Variants in CNPY1 observed in about 807,000 individuals in gnomAD.
CNPY1 encodes the protein protein canopy homolog 1.
A neutral mutation model predicts 14.4 loss-of-function variants in CNPY1; 14 were observed. The observed-to-expected ratio is 0.97, with a 90% confidence interval of 0.64 to 1.52. The LOEUF is 1.52. Among genes scored for constraint, CNPY1 ranks in the 40% most tolerant of loss-of-function variants. CNPY1 has a pLI of 0.00. For synonymous variants in CNPY1, 43 were observed against 46.5 expected, an observed-to-expected ratio of 0.92 and a Z score of 0.31; for missense variants, 129 against 131.5, an observed-to-expected ratio of 0.98 and a Z score of 0.09.
At chr7:155,525,666 C>T (rs968425377) in intron 2 of CNPY1, among the ~76,000 whole-genome samples, 1 of 152,240 alleles carries the variant, frequency 6.6e-6, no homozygotes, top group African/African-American at 2.4e-5. Flanking sequence ...TGCAAAGCTA[C>T]TGTCTGGATA....
At chr7:155,521,589 GGCCGCCGCCTT>G (rs1003549049) in intron 2 of CNPY1, among the ~76,000 whole-genome samples, 8 of 152,312 alleles carry the variant, frequency 5.3e-5, no homozygotes, top group African/African-American at 1.9e-4. Flanking sequence ...AGAGTCCCTG[GGCCGCCGCCTT>G]GTTTATGTAC....
At chr7:155,527,796 A>G (rs769175525) in intron 2 of CNPY1, among the ~76,000 whole-genome samples, 2 of 152,110 alleles carry the variant, frequency 1.3e-5, no homozygotes, top group Admixed American at 6.5e-5. Flanking sequence ...ACATAGAGTA[A>G]TGAGACATGT....
At chr7:155,518,116 C>T (rs1475904022) in intron 2 of CNPY1, among the ~76,000 whole-genome samples, 1 of 152,178 alleles carries the variant, frequency 6.6e-6, no homozygotes, top group Non-Finnish European at 1.5e-5. Flanking sequence ...CTTCTCCTCC[C>T]ATCCTCTCAG....
At position 155,518,862 on chromosome 7, in the gene CNPY1, G is replaced by A. The variant is rs115711164; in HGVS notation, c.100-9765C>T. Among the ~76,000 whole-genome samples, 1,160 of 152,284 alleles carry A rather than the reference G, an allele frequency of 7.6e-3. 12 individuals are homozygous for A. The highest frequency in any genetic ancestry group is 0.026 in the African/African-American group (1,076 of 41,556). On this transcript the variant is annotated intron_variant, in intron 2 of 4. Transcript: ENST00000636446. ...TGTGGTGGAAGGCTACCTTGCGCAGGCACATGCCAGCCAGACTATCCAGGA... is the reference window on the plus strand; with the variant it reads ...TGTGGTGGAAGGCTACCTTGCGCAGACACATGCCAGCCAGACTATCCAGGA...
chr7:155,506,930 G>C (rs539630390), intron 4 of CNPY1, 90 bp downstream of exon 4: 1 of 813,744 alleles, frequency 1.2e-6, no homozygotes, highest in Admixed American at 2.0e-5. Context: ...CAGAGGCAGC[G>C]AGGCTCGGTC....
intron 2 of CNPY1, among the ~76,000 whole-genome samples, chr7:155,512,753 A>G (rs1796553770): frequency 6.6e-6 from 1 of 152,240 alleles, no homozygotes; most frequent in African/African-American, 2.4e-5. Flanking sequence ...CTCCCATTAC[A>G]GTCTGACAAC....
chr7:155,541,241 A>G (rs1170538148), intron 2 of CNPY1, among the ~76,000 whole-genome samples: 1 of 152,214 alleles, frequency 6.6e-6, no homozygotes, highest in African/African-American at 2.4e-5. Flanking sequence ...CGAGCGGAGC[A>G]CGAGCTCCCA....
chr7:155,538,611 C>T (rs922145551), intron 2 of CNPY1, among the ~76,000 whole-genome samples: 2 of 152,210 alleles, frequency 1.3e-5, no homozygotes, highest in African/African-American at 2.4e-5. Flanking sequence ...CCACTTGCCC[C>T]GCAGTTGGTC....
chr7:155,525,181 C>T (rs1487347581), intron 2 of CNPY1, among the ~76,000 whole-genome samples: 1 of 151,528 alleles, frequency 6.6e-6, no homozygotes, highest in Non-Finnish European at 1.5e-5. Flanking sequence ...ATCTTTCTTT[C>T]TTTTTTTTTA....
At chr7:155,515,097 A>G (rs1796592244) in intron 2 of CNPY1, among the ~76,000 whole-genome samples, 1 of 152,124 alleles carries the variant, frequency 6.6e-6, no homozygotes, top group Non-Finnish European at 1.5e-5. Flanking sequence ...GATTATGCAG[A>G]AGGGGCCAGC....
At chr7:155,507,698 C>T (rs551122326) in intron 3 of CNPY1, among the ~76,000 whole-genome samples, 2 of 152,048 alleles carry the variant, frequency 1.3e-5, no homozygotes, top group African/African-American at 2.4e-5. Context: ...ATCCATCCAA[C>T]ATTTCACTTC....
chr7:155,506,822 C>A, intron 4 of CNPY1, 198 bp downstream of exon 4: 1 of 573,118 alleles, frequency 1.7e-6, no homozygotes, highest in Non-Finnish European at 3.1e-6. Flanking sequence ...AAGAGGAAGG[C>A]CACACAGCCC....
At chr7:155,540,162 A>G (rs1797067457) in intron 2 of CNPY1, among the ~76,000 whole-genome samples, 1 of 152,174 alleles carries the variant, frequency 6.6e-6, no homozygotes, top group Non-Finnish European at 1.5e-5. Flanking sequence ...AAGTTTCCTA[A>G]GTCGGATAAG....
intron 2 of CNPY1, among the ~76,000 whole-genome samples, chr7:155,526,777 A>G (rs1436931828): frequency 2.6e-5 from 4 of 152,234 alleles, no homozygotes; most frequent in Admixed American, 6.5e-5. Flanking sequence ...TGGCTGGAAT[A>G]TCCATGCTGC....
chr7:155,505,115 G>C (rs1796258688), intron 4 of CNPY1, among the ~76,000 whole-genome samples: 1 of 152,150 alleles, frequency 6.6e-6, no homozygotes, highest in Non-Finnish European at 1.5e-5. Flanking sequence ...GAGTGGGTGG[G>C]AGAAGTCCAG....
At chr7:155,527,393 C>T (rs1796845722) in intron 2 of CNPY1, among the ~76,000 whole-genome samples, 1 of 144,292 alleles carries the variant, frequency 6.9e-6, no homozygotes, top group Admixed American at 7.0e-5. Flanking sequence ...TTTCTCTTAT[C>T]TCTTGCTAAA....
intron 2 of CNPY1, among the ~76,000 whole-genome samples, chr7:155,537,917 C>T (rs1797042229): frequency 6.6e-6 from 1 of 151,864 alleles, no homozygotes; most frequent in African/African-American, 2.4e-5. Flanking sequence ...AAAATTTTAA[C>T]AGATAAACAA....
chr7:155,510,653 T>C (rs1796509416), intron 2 of CNPY1, among the ~76,000 whole-genome samples: 1 of 152,228 alleles, frequency 6.6e-6, no homozygotes, highest in Admixed American at 6.5e-5. Flanking sequence ...AATGTTTTAA[T>C]CGCTAAAAAT....
At chr7:155,537,898 A>G (rs1313547942) in intron 2 of CNPY1, among the ~76,000 whole-genome samples, 2 of 152,212 alleles carry the variant, frequency 1.3e-5, no homozygotes, top group Admixed American at 6.5e-5. Flanking sequence ...TAATATGTTT[A>G]TTATAGAAAA....
Sources: gnomAD v4.1 joint callset for allele counts (sites outside exome capture counted in the v4.1 genomes callset) on GRCh38, gnomAD v4.1.1 for gene constraint, MANE v1.5 for transcripts, NCBI Gene and HGNC (gene_info 2026-07-23, HGNC 2026-07-21) for gene names.